Variants in CNTNAP2 observed in about 807,000 individuals in gnomAD.
CNTNAP2 encodes contactin-associated protein-like 2.
Under a neutral mutation model 155.2 loss-of-function variants are expected in CNTNAP2, and 98 were observed. The observed-to-expected ratio is 0.63, with a 90% CI of 0.54 to 0.75. The LOEUF (loss-of-function observed/expected upper bound fraction) is 0.75. Among genes scored for constraint, CNTNAP2 ranks in the 30% least tolerant of loss-of-function variants. CNTNAP2 has a pLI of 0.00. For synonymous variants in CNTNAP2, 651 were observed against 631.2 expected, an observed-to-expected ratio of 1.03 and a Z score of -0.47; for missense variants, 1,727 against 1,688.1, an observed-to-expected ratio of 1.02 and a Z score of -0.40.
At chr7:146,309,833 G>A (rs1255321245) in intron 1 of CNTNAP2, among the ~76,000 whole-genome samples, 1 of 140,602 alleles carries the variant, frequency 7.1e-6, no homozygotes, top group African/African-American at 3.1e-5. Flanking sequence ...GAAAGGAAAG[G>A]AAGGAAGGAA....
rs557913510 is a variant in CNTNAP2 at position 148,204,743 on chromosome 7, T to G, written c.3011-12545T>G. On this transcript the variant is annotated intron_variant, in intron 18 of 23. Transcript: ENST00000361727. ...AGGAGCTAATAAGCAAATCGCTTTG[T>G]GGGTTTCTGTGAAAACAGCTAGAGT... is the stretch of plus-strand genomic sequence containing the variant. 2.0e-5 allele frequency among the ~76,000 whole-genome samples: 3 copies of G among 152,336 alleles called. No individual in the cohort carries two copies. The East Asian group carries it at 5.8e-4, about 29-fold the overall frequency.
chr7:147,408,663 C>G (rs1239844424), intron 10 of CNTNAP2, among the ~76,000 whole-genome samples: 1 of 152,138 alleles, frequency 6.6e-6, no homozygotes, highest in African/African-American at 2.4e-5. Context: ...GAGGCTGAGG[C>G]AGGAGAATGG....
intron 15 of CNTNAP2, among the ~76,000 whole-genome samples, chr7:148,017,398 G>T (rs573112939): frequency 6.6e-6 from 1 of 152,270 alleles, no homozygotes; most frequent in East Asian, 1.9e-4. Context: ...GTTTACATGA[G>T]ACTTGGAATT....
intron 9 of CNTNAP2, among the ~76,000 whole-genome samples, chr7:147,374,770 C>T (rs1796406426): frequency 6.6e-6 from 1 of 151,928 alleles, no homozygotes; most frequent in Non-Finnish European, 1.5e-5. Context: ...GGGCCCTTTT[C>T]CTGGTGTTGC....
intron 14 of CNTNAP2, among the ~76,000 whole-genome samples, chr7:147,930,302 C>T (rs55825228): frequency 0.3 from 45,029 of 151,978 alleles, 8,022 homozygotes; most frequent in Middle Eastern, 0.45. Flanking sequence ...AAAACAACAA[C>T]GACAAAAGAT....
chr7:147,575,725 C>G (rs1175004587), intron 12 of CNTNAP2, among the ~76,000 whole-genome samples: 1 of 151,862 alleles, frequency 6.6e-6, no homozygotes, highest in Non-Finnish European at 1.5e-5. Flanking sequence ...GTATGAAAAT[C>G]TCCAAATTTT....
At chr7:146,398,431 C>T (rs940971220) in intron 1 of CNTNAP2, among the ~76,000 whole-genome samples, 2 of 152,002 alleles carry the variant, frequency 1.3e-5, no homozygotes, top group Admixed American at 6.6e-5. Flanking sequence ...AACTTACTAT[C>T]ATGCGAATAG....
At chr7:148,343,726 A>G (rs1035560723) in intron 21 of CNTNAP2, among the ~76,000 whole-genome samples, 1 of 152,234 alleles carries the variant, frequency 6.6e-6, no homozygotes, top group Non-Finnish European at 1.5e-5. Context: ...GTAGACTGGC[A>G]AAAGGATGAT....
At chr7:147,712,152 T>C (rs1292294209) in intron 13 of CNTNAP2, among the ~76,000 whole-genome samples, 1 of 152,076 alleles carries the variant, frequency 6.6e-6, no homozygotes, top group Non-Finnish European at 1.5e-5. Flanking sequence ...AAAATGCTCA[T>C]CATCGCTGGC....
chr7:147,351,261 T>C (rs1795964027), intron 9 of CNTNAP2, among the ~76,000 whole-genome samples: 1 of 151,744 alleles, frequency 6.6e-6, no homozygotes, highest in Non-Finnish European at 1.5e-5. Flanking sequence ...CACCTAATAA[T>C]GTAGAAAAAA....
In CNTNAP2 at chr7:146,964,898, A is replaced by AGATTTGGTCTGGGGGCCT. The variant is rs1797625537; in HGVS notation, c.403-79007_403-79006insTTTGGTCTGGGGGCCTGA. 2.0e-5 allele frequency among the ~76,000 whole-genome samples: 3 copies of AGATTTGGTCTGGGGGCCT among 152,140 alleles called. No homozygotes were observed. In the South Asian group the frequency reaches 6.2e-4, roughly 32 times the overall value. The stretch of plus-strand genomic sequence containing the variant: ...TATTTACTAAAACAGGTGACTGGCC[A>AGATTTGGTCTGGGGGCCT]GAGTTGACCAACCCCTAATGTAGAA... On this transcript the variant is annotated intron_variant, in intron 3 of 23. Transcript: ENST00000361727.
intron 3 of CNTNAP2, among the ~76,000 whole-genome samples, chr7:146,911,501 T>G (rs1480179025): frequency 6.6e-6 from 1 of 151,974 alleles, no homozygotes; most frequent in East Asian, 1.9e-4. Flanking sequence ...TTCATATCCT[T>G]TGTAGGGACA....
chr7:147,379,648 A>C (rs1021867302), intron 9 of CNTNAP2, among the ~76,000 whole-genome samples: 2 of 152,048 alleles, frequency 1.3e-5, no homozygotes, highest in Admixed American at 1.3e-4. Flanking sequence ...TTTTGGAAAA[A>C]GATAAAATAC....
At chr7:146,158,523 A>G (rs1798164159) in intron 1 of CNTNAP2, among the ~76,000 whole-genome samples, 1 of 152,242 alleles carries the variant, frequency 6.6e-6, no homozygotes, top group Admixed American at 6.5e-5. Flanking sequence ...GCTAACTAGA[A>G]TAAACAGTGT....
intron 2 of CNTNAP2, among the ~76,000 whole-genome samples, chr7:146,821,396 A>C (rs1401443856): frequency 6.6e-6 from 1 of 152,032 alleles, no homozygotes; most frequent in African/African-American, 2.4e-5. Flanking sequence ...CTTGTCTGTA[A>C]AGTATTTTAT....
At chr7:146,667,920 C>G (rs978654741) in intron 1 of CNTNAP2, among the ~76,000 whole-genome samples, 1 of 152,014 alleles carries the variant, frequency 6.6e-6, no homozygotes, top group African/African-American at 2.4e-5. Context: ...CATCTGCAGA[C>G]AGGAACAATT....
At chr7:147,942,804 G>C (rs556242701) in intron 14 of CNTNAP2, among the ~76,000 whole-genome samples, 1 of 152,118 alleles carries the variant, frequency 6.6e-6, no homozygotes, top group Non-Finnish European at 1.5e-5. Context: ...TTGGGAGGCC[G>C]AGGTGGGCGG....
intron 2 of CNTNAP2, among the ~76,000 whole-genome samples, chr7:146,790,694 G>T (rs376948311): frequency 6.6e-6 from 1 of 151,354 alleles, no homozygotes; most frequent in African/African-American, 2.4e-5. Flanking sequence ...CTCAGCCTCC[G>T]GAGTAGCTGG....
At chr7:147,131,870 T>G (rs1801380265) in intron 7 of CNTNAP2, among the ~76,000 whole-genome samples, 1 of 151,918 alleles carries the variant, frequency 6.6e-6, no homozygotes, top group African/African-American at 2.4e-5. Context: ...TCTCTCTCCC[T>G]GACTTATGTT....
Sources: gnomAD v4.1 joint callset for allele counts (sites outside exome capture counted in the v4.1 genomes callset) on GRCh38, gnomAD v4.1.1 for gene constraint, MANE v1.5 for transcripts, NCBI Gene and HGNC (gene_info 2026-07-23, HGNC 2026-07-21) for gene names.